The following MYO3A variants were observed in gnomAD, a reference collection of about 807,000 sequenced individuals.
MYO3A encodes the protein myosin-IIIa.
A neutral mutation model predicts 192.7 loss-of-function variants in MYO3A; 180 were observed. The ratio of observed to expected loss-of-function variants is 0.93; its 90% CI spans 0.83 to 1.06. MYO3A has a LOEUF of 1.06. Ranked by LOEUF, MYO3A falls within the 50% of genes least tolerant of loss-of-function variation. The pLI, the probability that MYO3A is intolerant of heterozygous loss-of-function variation, is 0.00. For missense variants in MYO3A, 1,896 were observed against 1,905.0 expected (o/e 1.00, Z 0.09); for synonymous variants, 628 against 645.3 (o/e 0.97, Z 0.41).
At chr10:26,158,409 T>G (rs1166723456) in intron 26 of MYO3A, among the ~76,000 whole-genome samples, 1 of 151,842 alleles carries the variant, frequency 6.6e-6, no homozygotes, top group African/African-American at 2.4e-5. Context: ...CCCACCACCA[T>G]GCCCAGCTAA....
chr10:26,123,395 C>T (rs969411805), intron 18 of MYO3A, among the ~76,000 whole-genome samples: 4 of 152,036 alleles, frequency 2.6e-5, no homozygotes, highest in African/African-American at 7.2e-5. Context: ...GAAAATATTG[C>T]AATTTTCAAA....
At chr10:26,183,781 C>T (rs947636735) in intron 31 of MYO3A, among the ~76,000 whole-genome samples, 1 of 152,014 alleles carries the variant, frequency 6.6e-6, no homozygotes, top group Admixed American at 6.6e-5. Flanking sequence ...GAGAAGACTG[C>T]GAGTCAGATC....
chr10:26,135,172 T>C (rs1001517488), intron 20 of MYO3A, among the ~76,000 whole-genome samples: 2 of 152,108 alleles, frequency 1.3e-5, no homozygotes, highest in Admixed American at 1.3e-4. Context: ...CTGACAGCTA[T>C]CCATGGTTTT....
chr10:26,013,380 A>T (rs908228094), intron 6 of MYO3A, among the ~76,000 whole-genome samples: 1 of 152,174 alleles, frequency 6.6e-6, no homozygotes, highest in Non-Finnish European at 1.5e-5. Flanking sequence ...TATGCATCCA[A>T]CAAAGGATTA....
intron 23 of MYO3A, among the ~76,000 whole-genome samples, chr10:26,153,492 G>T (rs906104903): frequency 6.6e-5 from 10 of 152,148 alleles, no homozygotes; most frequent in Admixed American, 3.9e-4. Flanking sequence ...CAGGCCAATT[G>T]TAAAGCTTAG....
chr10:26,173,796 G>C lies in MYO3A; in HGVS notation c.3532G>C (p.Ala1178Pro). 1 of 1,614,116 alleles carries C rather than the reference G, an allele frequency of 6.2e-7. No homozygotes were observed. Among genetic ancestry groups the C allele is most frequent in the Non-Finnish European group, 8.5e-7 (1 of 1,180,016 alleles). ...TFKPEEETTNAVESNNRVYQT... is the reference protein window; with the variant it reads ...TFKPEEETTNPVESNNRVYQT... ...CAAACCTGAAGAGGAAACCACCAAT[G>C]CTGTGGAGAGTAACAACAGAGTGTA... is the stretch of plus-strand genomic sequence containing the variant. The change falls in exon 30 of 35, where the codon GCT becomes CCT. Residue 1178 changes from alanine (A) to proline (P), a missense_variant. Transcript: ENST00000642920.
intron 10 of MYO3A, among the ~76,000 whole-genome samples, chr10:26,043,891 G>A (rs1843495329): frequency 6.6e-6 from 1 of 152,132 alleles, no homozygotes; most frequent in Non-Finnish European, 1.5e-5. Context: ...GGAGTCTTCT[G>A]CCCATAGCCA....
intron 32 of MYO3A, among the ~76,000 whole-genome samples, chr10:26,200,036 T>G (rs1181150516): frequency 6.6e-6 from 1 of 152,226 alleles, no homozygotes; most frequent in East Asian, 1.9e-4. Context: ...AAGCGCCTCT[T>G]AGCCTAGGGC....
intron 25 of MYO3A, 144 bp from the exon 26 acceptor site, chr10:26,157,164 CAG>C: frequency 2.8e-6 from 2 of 722,422 alleles, no homozygotes; most frequent in Non-Finnish European, 4.7e-6. Context: ...TTCATTAAAA[CAG>C]ATTTTCCTCC....
At chr10:26,026,580 T>G (rs1466559709) in intron 10 of MYO3A, 48 bp downstream of exon 10, 2 of 1,602,304 alleles carry the variant, frequency 1.2e-6, no homozygotes, top group Non-Finnish European at 1.7e-6. Flanking sequence ...TATTGAAAGA[T>G]TTTGAACAGT....
chr10:26,084,352 A>G (rs1370889776), intron 14 of MYO3A, among the ~76,000 whole-genome samples: 3 of 152,118 alleles, frequency 2.0e-5, no homozygotes, highest in South Asian at 4.1e-4. Flanking sequence ...CTAATATTTT[A>G]TTGAGGATTT....
intron 6 of MYO3A, among the ~76,000 whole-genome samples, chr10:26,008,315 A>G (rs1841375655): frequency 6.7e-6 from 1 of 148,592 alleles, no homozygotes; most frequent in Non-Finnish European, 1.5e-5. Context: ...TTCAGGACAT[A>G]GGCATGGGCA....
At chr10:26,081,920 G>A (rs1373046143) in intron 14 of MYO3A, among the ~76,000 whole-genome samples, 1 of 152,130 alleles carries the variant, frequency 6.6e-6, no homozygotes, top group Non-Finnish European at 1.5e-5. Flanking sequence ...GTATTTGGAG[G>A]GTCTCCCGGG....
intron 4 of MYO3A, among the ~76,000 whole-genome samples, chr10:25,980,187 A>T (rs1258892517): frequency 6.6e-6 from 1 of 151,398 alleles, no homozygotes; most frequent in Non-Finnish European, 1.5e-5. Context: ...CAGTGAGCCG[A>T]GATCGCACCA....
intron 31 of MYO3A, among the ~76,000 whole-genome samples, chr10:26,179,015 G>A (rs140889378): frequency 0.019 from 2,843 of 150,540 alleles, 88 homozygotes; most frequent in African/African-American, 0.058. Context: ...GTTAGCCAGG[G>A]TGGTCTCGAT....
intron 10 of MYO3A, among the ~76,000 whole-genome samples, chr10:26,056,874 A>AT (rs1297889466): frequency 3.9e-5 from 6 of 151,994 alleles, no homozygotes; most frequent in Non-Finnish European, 8.8e-5. Context: ...TCAAAACTCC[A>AT]TTTTTTCCAT....
At chr10:25,965,638 A>C (rs1838210298) in intron 4 of MYO3A, among the ~76,000 whole-genome samples, 1 of 152,012 alleles carries the variant, frequency 6.6e-6, no homozygotes. Context: ...CTCATGGCCT[A>C]GATTGCTTTT....
intron 29 of MYO3A, 58 bp from the exon 30 acceptor site, chr10:26,173,605 T>C (rs944017765): frequency 1.3e-5 from 20 of 1,487,710 alleles, no homozygotes; most frequent in Admixed American, 1.8e-5. Flanking sequence ...CTATTGCCAA[T>C]AGAAGTAATA....
intron 4 of MYO3A, among the ~76,000 whole-genome samples, chr10:25,992,001 T>C (rs1248618709): frequency 1.3e-5 from 2 of 152,218 alleles, no homozygotes; most frequent in Non-Finnish European, 2.9e-5. Flanking sequence ...ATGTGGGCTC[T>C]TTTTTGGTTC....
Sources: allele counts gnomAD v4.1 joint callset (sites outside exome capture counted in the v4.1 genomes callset), GRCh38; gene constraint gnomAD v4.1.1; transcripts MANE v1.5; gene names NCBI Gene and HGNC (gene_info 2026-07-23, HGNC 2026-07-21).